DNAJC7: variants seen among roughly 807,000 people sequenced by gnomAD.
The protein encoded by DNAJC7 is DnaJ heat shock protein family (Hsp40) member C7.
Under a neutral mutation model 67.4 loss-of-function variants are expected in DNAJC7, and 18 were observed. The ratio of observed to expected loss-of-function variants is 0.27; its 90% CI spans 0.18 to 0.40. The LOEUF is 0.40. DNAJC7 is among the 10% of genes least tolerant of loss of function. The pLI is 1.00. For synonymous variants in DNAJC7, 220 were observed against 207.8 expected, an observed-to-expected ratio of 1.06 and a Z score of -0.50; for missense variants, 419 against 613.8, an observed-to-expected ratio of 0.68 and a Z score of 3.35.
rs781972603 is a variant in DNAJC7, at chr17:41,977,323, T to C, written c.1385A>G (p.Asp462Gly). 1.3e-6 allele frequency: 2 copies of C among 1,577,614 alleles called. No individual in the cohort carries two copies. Among genetic ancestry groups the C allele is most frequent in the African/African-American group, 2.7e-5 (2 of 74,070 alleles). ...DLDEEGMNMGDFDPNNIFKAF... is the reference protein window; with the variant it reads ...DLDEEGMNMGGFDPNNIFKAF... Reference sequence around the variant, plus strand: ...CTTGAAGATATTGTTTGGATCAAAATCTGTAGAGCAGGGCAAGTAACATGG... The same window carrying C: ...CTTGAAGATATTGTTTGGATCAAAACCTGTAGAGCAGGGCAAGTAACATGG... The change falls in exon 13 of 14, where the codon GAT becomes GGT. Residue 462 changes from aspartate (D) to glycine (G), a missense_variant and splice_region_variant. Physicochemically the swap from Asp to Gly is moderately conservative, Grantham distance 94. Coordinates refer to ENST00000457167, the MANE Select transcript of DNAJC7 (RefSeq NM_003315.4).
rs1567954847 is a variant in DNAJC7 at position 41,982,337 on chromosome 17, G to A, written c.1149C>T (p.Tyr383=). The A allele has an allele frequency of 1.9e-6, 3 of 1,613,986 alleles. No individual in the cohort carries two copies. The highest frequency in any genetic ancestry group is 2.5e-6 in the Non-Finnish European group (3 of 1,179,892). Residue 383 remains tyrosine (Y), a synonymous_variant, in exon 11 of 14, where the codon TAC becomes TAT. Coordinates refer to ENST00000457167, the MANE Select transcript of DNAJC7 (RefSeq NM_003315.4). The part of the protein sequence containing the change: ...ELKKSKRKDY[Y]KILGVDKNAS... ...CATTCTTGTCCACTCCTAGAATCTT[G>A]TAGTAATCTTTCCTCTTACTCTTCT...
At chr17:41,995,171 G>T (rs183762483) in intron 4 of DNAJC7, among the ~76,000 whole-genome samples, 15 of 152,294 alleles carry the variant, frequency 9.8e-5, no homozygotes, top group Admixed American at 7.9e-4. Flanking sequence ...ATTCCCTAGA[G>T]AGAGGTGGTA....
At position 42,000,485 on chromosome 17, in the gene DNAJC7, T is replaced by C; in HGVS notation, c.163A>G (p.Ile55Val). ...NEAYNYYTKA[I>V]DMCPKNASYY... Reference sequence around the variant, plus strand: ...GTAAGTATCAGTTCTTTCTCACCTATGGCTTTTGTATAATAATTATAAGCT... The same window carrying C: ...GTAAGTATCAGTTCTTTCTCACCTACGGCTTTTGTATAATAATTATAAGCT... Residue 55 changes from isoleucine to valine, a missense_variant, in exon 2 of 14, where the codon ATA (isoleucine) becomes GTA (valine). Physicochemically the swap from Ile to Val is conservative, Grantham distance 29. Transcript: ENST00000457167. 1.2e-6 allele frequency: 2 copies of C among 1,602,450 alleles called. No individual in the cohort carries two copies. Among genetic ancestry groups the C allele is most frequent in the East Asian group, 2.2e-5 (1 of 44,740 alleles).
At chr17:42,004,039 T>TC (rs1463166647) in intron 1 of DNAJC7, among the ~76,000 whole-genome samples, 5 of 139,588 alleles carry the variant, frequency 3.6e-5, no homozygotes, top group African/African-American at 5.2e-5. Context: ...CACTGCAGCC[T>TC]CTGCCTCCTG....
chr17:42,017,076 G>A (rs782730808), intron 1 of DNAJC7: 138 of 1,388,264 alleles, frequency 9.9e-5, no homozygotes, highest in Non-Finnish European at 1.3e-4. Flanking sequence ...TCGGAGACTC[G>A]GCCTCTCCTA....
chr17:41,977,035 T>C, intron 13 of DNAJC7: 1 of 642,114 alleles, frequency 1.6e-6, no homozygotes, highest in Non-Finnish European at 2.7e-6. Flanking sequence ...TAGAGATGCC[T>C]CCCTGACCCT....
At chr17:41,988,031 T>C in intron 8 of DNAJC7, 121 bp from the exon 9 acceptor site, 4 of 774,264 alleles carry the variant, frequency 5.2e-6, no homozygotes, top group Non-Finnish European at 8.3e-6. Flanking sequence ...AATGTCATAT[T>C]AAGTTCTAGT....
intron 2 of DNAJC7, 68 bp from the exon 3 acceptor site, chr17:41,997,307 G>T: frequency 6.4e-7 from 1 of 1,555,292 alleles, no homozygotes; most frequent in Non-Finnish European, 8.7e-7. Flanking sequence ...ACTTAGAGGG[G>T]GCTGGGCGCA....
chr17:41,977,071 C>CA (rs2051103579), intron 13 of DNAJC7, 190 bp downstream of exon 13: 1 of 689,536 alleles, frequency 1.5e-6, no homozygotes, highest in African/African-American at 1.8e-5. Context: ...CTAAAGGTCC[C>CA]AAGGCAAGGG....
chr17:42,016,070 C>T (rs2052273761), intron 1 of DNAJC7: 1 of 152,128 alleles, frequency 6.6e-6, no homozygotes, highest in Admixed American at 6.6e-5. Context: ...AACATGAAAG[C>T]TCAAAATTAA....
rs116346641 is a variant in DNAJC7, at chr17:41,997,651, T to C, written c.167-412A>G. Among the ~76,000 whole-genome samples the C allele has an allele frequency of 2.6e-3, 398 of 152,164 alleles. 2 individuals are homozygous for C. Among genetic ancestry groups the C allele is most frequent in the African/African-American group, 9.2e-3 (383 of 41,536 alleles). Reference sequence around the variant, plus strand: ...TTAGAGGGCATCTCCCTCCAAACAATGTTAAGGGAATCTATCTGTAACGCT... The same window carrying C: ...TTAGAGGGCATCTCCCTCCAAACAACGTTAAGGGAATCTATCTGTAACGCT... On this transcript the variant is annotated intron_variant, in intron 2 of 13. Transcript: ENST00000457167.
intron 9 of DNAJC7, chr17:41,984,325 AT>A (rs2051322727): frequency 8.0e-6 from 1 of 125,146 alleles, no homozygotes; most frequent in Non-Finnish European, 1.6e-5. Flanking sequence ...TTTTTTTGAG[AT>A]GGAGTCTCGC....
chr17:42,009,162 AATAG>A (rs1473262869), intron 1 of DNAJC7, among the ~76,000 whole-genome samples: 3 of 152,232 alleles, frequency 2.0e-5, no homozygotes, highest in Admixed American at 6.5e-5. Context: ...TTTCCTACAG[AATAG>A]ATAGTTTTCA....
chr17:41,996,496 A>G, intron 3 of DNAJC7, 72 bp from the exon 4 acceptor site: 1 of 1,410,236 alleles, frequency 7.1e-7, no homozygotes, highest in Non-Finnish European at 9.8e-7. Flanking sequence ...GCAGCAACAG[A>G]CACCCACACA....
intron 9 of DNAJC7, 116 bp from the exon 10 acceptor site, chr17:41,983,752 C>A: frequency 1.3e-6 from 1 of 799,484 alleles, no homozygotes; most frequent in South Asian, 2.4e-5. Flanking sequence ...TGGTAAGATG[C>A]TTCAGAAACA....
intron 6 of DNAJC7, 44 bp from the exon 7 acceptor site, chr17:41,989,601 G>A: frequency 6.2e-7 from 1 of 1,600,748 alleles, no homozygotes; most frequent in Non-Finnish European, 8.5e-7. Flanking sequence ...GCTTTAGAAT[G>A]TCCCCACCAT....
chr17:41,983,675 A>G (rs1409721507), intron 9 of DNAJC7, 39 bp from the exon 10 acceptor site: 1 of 1,560,580 alleles, frequency 6.4e-7, no homozygotes, highest in African/African-American at 1.4e-5. Flanking sequence ...ACTAAGACAT[A>G]AATAGCAGTG....
At chr17:41,996,047 C>G (rs1298762962) in intron 4 of DNAJC7, among the ~76,000 whole-genome samples, 2 of 152,244 alleles carry the variant, frequency 1.3e-5, no homozygotes, top group African/African-American at 4.8e-5. Flanking sequence ...TCACTCAAAT[C>G]AGTCCCTGGA....
chr17:42,012,122 G>A (rs1440732365), intron 1 of DNAJC7, among the ~76,000 whole-genome samples: 1 of 152,184 alleles, frequency 6.6e-6, no homozygotes, highest in East Asian at 1.9e-4. Flanking sequence ...TGGATCCCTT[G>A]ATTCTTTTAG....
Sources: gnomAD v4.1 joint callset for allele counts (sites outside exome capture counted in the v4.1 genomes callset) on GRCh38, gnomAD v4.1.1 for gene constraint, MANE v1.5 for transcripts, NCBI Gene and HGNC (gene_info 2026-07-23, HGNC 2026-07-21) for gene names.